Variants in EMC2 observed in about 807,000 individuals in gnomAD.
EMC2 encodes ER membrane protein complex subunit 2.
A neutral mutation model predicts 51.6 loss-of-function variants in EMC2; 37 were observed. The ratio of observed to expected loss-of-function variants is 0.72; its 90% CI spans 0.55 to 0.94. The LOEUF (loss-of-function observed/expected upper bound fraction) is 0.94, where lower values mean the gene tolerates loss of function less well. Among genes scored for constraint, EMC2 ranks in the 40% least tolerant of loss-of-function variants. The pLI, the probability that EMC2 is intolerant of heterozygous loss-of-function variation, is 0.00. For missense variants in EMC2, 359 were observed against 350.9 expected (o/e 1.02, Z -0.18); for synonymous variants, 131 against 112.4 (o/e 1.17, Z -1.04).
chr8:108,456,924 A>G lies in EMC2; in HGVS notation c.363+994A>G, dbSNP rs141174782. Among the ~76,000 whole-genome samples the G allele has an allele frequency of 8.3e-4, 126 of 152,280 alleles. 2 individuals carry two copies. The East Asian group carries it at 0.02, about 24-fold the overall frequency. Reference sequence around the variant, plus strand: ...AAACCAGGTTGAGTTTTTTTCTTTTATAGAAGGAGAAATTGTTGTATTAAC... The same window carrying G: ...AAACCAGGTTGAGTTTTTTTCTTTTGTAGAAGGAGAAATTGTTGTATTAAC... On this transcript the variant is annotated intron_variant, in intron 5 of 10. Coordinates refer to ENST00000220853, the MANE Select transcript of EMC2 (RefSeq NM_014673.5).
chr8:108,449,829 G>A lies in EMC2; in HGVS notation c.47G>A (p.Arg16Lys). The change falls in exon 2 of 11, where the codon AGA becomes AAA. Residue 16 changes from arginine to lysine, a missense_variant. Arg to Lys is a conservative substitution (Grantham distance 26). Coordinates refer to ENST00000220853, the MANE Select transcript of EMC2 (RefSeq NM_014673.5). ...ELYDVTWEEMRDKMRKWREEN... is the reference protein window; with the variant it reads ...ELYDVTWEEMKDKMRKWREEN... The stretch of plus-strand genomic sequence containing the variant: ...GTCATGTTATTTTTTTCAGAAATGA[G>A]AGATAAAATGAGAAAATGGAGAGAA... 1 of 1,470,396 alleles carries A rather than the reference G, an allele frequency of 6.8e-7. No homozygotes were observed. Among genetic ancestry groups the A allele is most frequent in the Non-Finnish European group, 9.5e-7 (1 of 1,051,828 alleles). The allele number at this position is 1,470,396 out of a possible 1,614,324, so 91.1% of individuals were successfully genotyped here.
rs1312917132 is a variant in EMC2, at chr8:108,488,603, A to G, written c.*2005A>G. 6.6e-6 allele frequency among the ~76,000 whole-genome samples: 1 copy of G among 152,204 alleles called. No individual in the cohort carries two copies. The highest frequency in any genetic ancestry group is 1.9e-4 in the East Asian group (1 of 5,186). On this transcript the variant is annotated 3_prime_UTR_variant, in exon 11 of 11. Transcript: ENST00000220853. ...TTACAGCAGGCAGTTGCCTACAGCT[A>G]TTACCTTTATTTCTTCTTTAGCAGT...
In EMC2 at chr8:108,487,488, A is replaced by G. The variant is rs770478308; in HGVS notation, c.*890A>G. Among the ~76,000 whole-genome samples, 36 of 152,142 alleles carry G rather than the reference A, an allele frequency of 2.4e-4. No individual in the cohort carries two copies. The highest frequency in any genetic ancestry group is 1.3e-3 in the East Asian group (7 of 5,188). On this transcript the variant is annotated 3_prime_UTR_variant, in exon 11 of 11. Coordinates refer to ENST00000220853, the MANE Select transcript of EMC2 (RefSeq NM_014673.5). ...TATTTTTCTCTTTTCATAATAAACAACCATTATGCTACCTTCAACAGTATT... is the reference window on the plus strand; with the variant it reads ...TATTTTTCTCTTTTCATAATAAACAGCCATTATGCTACCTTCAACAGTATT...
At chr8:108,467,591 G>C (rs1341896945) in intron 5 of EMC2, among the ~76,000 whole-genome samples, 1 of 152,020 alleles carries the variant, frequency 6.6e-6, no homozygotes, top group Admixed American at 6.6e-5. Context: ...TATTTTTGTA[G>C]AGACAGGGTC....
chr8:108,468,535 A>G (rs1810782602), intron 5 of EMC2, among the ~76,000 whole-genome samples: 2 of 152,132 alleles, frequency 1.3e-5, no homozygotes, highest in African/African-American at 2.4e-5. Context: ...CCAAAATATT[A>G]TAAACATTGC....
At chr8:108,471,677 T>G (rs1490635388) in intron 7 of EMC2, among the ~76,000 whole-genome samples, 1 of 151,964 alleles carries the variant, frequency 6.6e-6, no homozygotes, top group East Asian at 1.9e-4. Context: ...TTATTTCATC[T>G]TACTAATTTA....
chr8:108,461,305 C>T (rs1350345744), intron 5 of EMC2, among the ~76,000 whole-genome samples: 1 of 152,194 alleles, frequency 6.6e-6, no homozygotes, highest in Non-Finnish European at 1.5e-5. Flanking sequence ...CACATGCATT[C>T]ATTATTCTTT....
chr8:108,443,874 TACTCTGCAGCGTTTCCC>T (rs948455611), intron 1 of EMC2, among the ~76,000 whole-genome samples, 176 bp downstream of exon 1: 9 of 152,168 alleles, frequency 5.9e-5, no homozygotes, highest in Admixed American at 2.6e-4. Flanking sequence ...CCCGGACGCG[TACTCTGCAGCGTTTCCC>T]ACGGTGTCTG....
At chr8:108,466,582 G>A (rs2130380349) in intron 5 of EMC2, among the ~76,000 whole-genome samples, 1 of 150,572 alleles carries the variant, frequency 6.6e-6, no homozygotes, top group South Asian at 2.1e-4. Context: ...TTCCTGATTA[G>A]CTAGTACTAC....
chr8:108,475,714 A>T, intron 7 of EMC2, 168 bp from the exon 8 acceptor site: 1 of 526,734 alleles, frequency 1.9e-6, no homozygotes, highest in South Asian at 2.6e-5. Flanking sequence ...AATGTCATTG[A>T]TATTTATGAA....
intron 5 of EMC2, among the ~76,000 whole-genome samples, chr8:108,461,689 A>G (rs1221914985): frequency 6.6e-6 from 1 of 152,204 alleles, no homozygotes; most frequent in Non-Finnish European, 1.5e-5. Flanking sequence ...CCTTCTTCCC[A>G]TCTTTTTTAA....
At chr8:108,443,811 C>T in intron 1 of EMC2, 113 bp downstream of exon 1, 18 of 890,744 alleles carry the variant, frequency 2.0e-5, no homozygotes, top group South Asian at 3.1e-5. Context: ...GTACCAGAGC[C>T]CTCACTGTAC....
At chr8:108,481,056 G>A (rs1811036252) in intron 10 of EMC2, among the ~76,000 whole-genome samples, 1 of 152,054 alleles carries the variant, frequency 6.6e-6, no homozygotes, top group Non-Finnish European at 1.5e-5. Flanking sequence ...CCACACAGTT[G>A]TTAATCTTTT....
At chr8:108,456,553 ATTT>A (rs989783444) in intron 5 of EMC2, among the ~76,000 whole-genome samples, 3 of 152,068 alleles carry the variant, frequency 2.0e-5, no homozygotes, top group African/African-American at 7.2e-5. Flanking sequence ...AAGGCATTTT[ATTT>A]TGTTTTTGCT....
In EMC2 at chr8:108,466,266, A is replaced by G. The variant is rs1033361380; in HGVS notation, c.364-3560A>G. Among the ~76,000 whole-genome samples, 5 of 152,118 alleles carry G rather than the reference A, an allele frequency of 3.3e-5. No individual in the cohort carries two copies. The East Asian group carries it at 9.7e-4, about 29-fold the overall frequency. ...GGGATTGAGAGTAGGTAGTTAATACACGTGACAACCAGCTGTTACCCCTAC... is the reference window on the plus strand; with the variant it reads ...GGGATTGAGAGTAGGTAGTTAATACGCGTGACAACCAGCTGTTACCCCTAC... On this transcript the variant is annotated intron_variant, in intron 5 of 10. Coordinates refer to ENST00000220853, the MANE Select transcript of EMC2 (RefSeq NM_014673.5).
chr8:108,475,266 T>A (rs966679069), intron 7 of EMC2: 2 of 151,922 alleles, frequency 1.3e-5, no homozygotes, highest in Non-Finnish European at 1.5e-5. Context: ...TTCAGCAAGA[T>A]TTTTGTTTAT....
intron 1 of EMC2, among the ~76,000 whole-genome samples, chr8:108,448,694 C>T (rs1350917515): frequency 2.0e-5 from 3 of 152,160 alleles, no homozygotes; most frequent in African/African-American, 4.8e-5. Context: ...GTCTCGGGTA[C>T]GTCTTTATCA....
intron 8 of EMC2, among the ~76,000 whole-genome samples, 173 bp downstream of exon 8, chr8:108,476,136 A>G (rs1810942471): frequency 1.3e-5 from 2 of 151,884 alleles, no homozygotes. Flanking sequence ...CAGTGGTAAT[A>G]CTGACTTAAG....
At chr8:108,483,863 G>T (rs938092403) in intron 10 of EMC2, among the ~76,000 whole-genome samples, 1 of 152,080 alleles carries the variant, frequency 6.6e-6, no homozygotes, top group Non-Finnish European at 1.5e-5. Flanking sequence ...TGATAACTAG[G>T]TAAATCTTTG....
Sources: allele counts gnomAD v4.1 joint callset (sites outside exome capture counted in the v4.1 genomes callset), GRCh38; gene constraint gnomAD v4.1.1; transcripts MANE v1.5; gene names NCBI Gene and HGNC (gene_info 2026-07-23, HGNC 2026-07-21).